The following CERS3 variants were observed in gnomAD, a reference collection of about 807,000 sequenced individuals.
The protein encoded by CERS3 is LAG1 homolog, ceramide synthase 3.
Under a neutral mutation model 50.3 loss-of-function variants are expected in CERS3, and 33 were observed. The observed-to-expected ratio is 0.66, with a 90% CI of 0.50 to 0.88. CERS3 has a LOEUF of 0.88. Ranked by LOEUF, CERS3 falls within the 40% of genes least tolerant of loss-of-function variation. The probability of loss-of-function intolerance (pLI) is 0.00; values close to 1 mark genes in which losing one functional copy is unlikely to be tolerated. For missense variants in CERS3, 470 were observed against 460.3 expected, an observed-to-expected ratio of 1.02 and a Z score of -0.19; for synonymous variants, 176 against 155.2, an observed-to-expected ratio of 1.13 and a Z score of -0.99.
intron 1 of CERS3, among the ~76,000 whole-genome samples, chr15:100,534,065 A>G (rs1356308985): frequency 6.6e-6 from 1 of 152,224 alleles, no homozygotes; most frequent in African/African-American, 2.4e-5. Context: ...TCACCATGTG[A>G]GCAGGCTCTC....
At chr15:100,444,951 T>A (rs11247202) in intron 11 of CERS3, among the ~76,000 whole-genome samples, 9 of 151,184 alleles carry the variant, frequency 6.0e-5, no homozygotes, top group African/African-American at 2.2e-4. Flanking sequence ...TTTTTTCAGG[T>A]TCTTAGTATT....
intron 9 of CERS3, among the ~76,000 whole-genome samples, chr15:100,472,316 A>G (rs1195707861): frequency 6.6e-6 from 1 of 152,178 alleles, no homozygotes; most frequent in African/African-American, 2.4e-5. Context: ...GAACAGAAAC[A>G]GGTCCGGAAA....
At chr15:100,540,507 G>A (rs2037175531) in intron 1 of CERS3, among the ~76,000 whole-genome samples, 2 of 152,198 alleles carry the variant, frequency 1.3e-5, no homozygotes, top group South Asian at 4.1e-4. Flanking sequence ...TCGTGCCATT[G>A]CACTCCAGCC....
At chr15:100,414,841 A>G (rs935342368) in intron 11 of CERS3, among the ~76,000 whole-genome samples, 2 of 143,424 alleles carry the variant, frequency 1.4e-5, no homozygotes, top group Non-Finnish European at 3.1e-5. Flanking sequence ...ACCCTGGAAG[A>G]AAACCTGGGC....
chr15:100,484,119 G>A (rs531573514), intron 5 of CERS3, among the ~76,000 whole-genome samples: 7 of 152,122 alleles, frequency 4.6e-5, no homozygotes, highest in Admixed American at 3.3e-4. Flanking sequence ...GGGAACACAC[G>A]TCCTTGCAGA....
chr15:100,452,156 A>G (rs1371365289), intron 11 of CERS3, among the ~76,000 whole-genome samples: 1 of 150,516 alleles, frequency 6.6e-6, no homozygotes, highest in African/African-American at 2.5e-5. Flanking sequence ...CATTTCATCC[A>G]ATGGCTATAG....
intron 8 of CERS3, among the ~76,000 whole-genome samples, chr15:100,475,406 G>A (rs1208683207): frequency 6.6e-6 from 1 of 152,164 alleles, no homozygotes; most frequent in Non-Finnish European, 1.5e-5. Context: ...TTTATTTACG[G>A]TGTAGTTTAT....
At chr15:100,519,915 A>G (rs139465973) in intron 2 of CERS3, among the ~76,000 whole-genome samples, 216 of 152,218 alleles carry the variant, frequency 1.4e-3, no homozygotes, top group African/African-American at 5.1e-3. Flanking sequence ...CCACCCTTAC[A>G]TCTGGCTTTA....
intron 3 of CERS3, among the ~76,000 whole-genome samples, chr15:100,499,728 G>C (rs2035940256): frequency 6.6e-6 from 1 of 152,202 alleles, no homozygotes; most frequent in African/African-American, 2.4e-5. Flanking sequence ...AAATAGTTCA[G>C]ACATTTTTAT....
intron 11 of CERS3, among the ~76,000 whole-genome samples, chr15:100,426,635 G>A (rs1371563282): frequency 6.6e-6 from 1 of 152,174 alleles, no homozygotes; most frequent in African/African-American, 2.4e-5. Context: ...AAGAGTGAAT[G>A]AATTAATCTA....
intron 11 of CERS3, among the ~76,000 whole-genome samples, chr15:100,454,193 C>T (rs914110091): frequency 6.6e-6 from 1 of 151,984 alleles, no homozygotes; most frequent in Admixed American, 6.6e-5. Flanking sequence ...GAGTTTGAGA[C>T]CATCCTGGAA....
chr15:100,519,488 A>T (rs908738550), intron 2 of CERS3, among the ~76,000 whole-genome samples: 2 of 152,136 alleles, frequency 1.3e-5, no homozygotes, highest in Admixed American at 1.3e-4. Flanking sequence ...TATACCAGCT[A>T]CTCCCTGGAA....
chr15:100,509,139 G>A (rs1223241163), intron 2 of CERS3, among the ~76,000 whole-genome samples: 2 of 152,052 alleles, frequency 1.3e-5, no homozygotes, highest in African/African-American at 4.8e-5. Flanking sequence ...GGGGGTTCAC[G>A]GTCATTCTTT....
intron 10 of CERS3, among the ~76,000 whole-genome samples, chr15:100,460,811 T>C (rs2034525475): frequency 6.6e-6 from 1 of 152,272 alleles, no homozygotes; most frequent in East Asian, 1.9e-4. Flanking sequence ...AATACCTTCT[T>C]TACACAGTCT....
At chr15:100,403,351 A>C in intron 11 of CERS3, among the ~76,000 whole-genome samples, 1 of 152,180 alleles carries the variant, frequency 6.6e-6, no homozygotes, top group East Asian at 1.9e-4. Flanking sequence ...TTAAGAATCT[A>C]GAAAAAAAGA....
intron 11 of CERS3, among the ~76,000 whole-genome samples, chr15:100,428,134 C>T (rs2032931841): frequency 1.3e-5 from 2 of 152,196 alleles, no homozygotes; most frequent in Admixed American, 6.5e-5. Flanking sequence ...ATCTCATTTT[C>T]TCCATCCATC....
chr15:100,402,790 C>G lies in CERS3; in HGVS notation c.1075G>C (p.Gly359Arg). Residue 359 changes from glycine (G) to arginine (R), a missense_variant, in exon 12 of 12, where the codon GGC (glycine) becomes CGC (arginine). Transcript: ENST00000679737. Reference sequence around the variant, plus strand: ...TTCTTTAAACAATCCATCTCTTTGCCTTTGGTAGCCTCTTCTTCTTCCTCT... The same window carrying G: ...TTCTTTAAACAATCCATCTCTTTGCGTTTGGTAGCCTCTTCTTCTTCCTCT... The part of the protein sequence containing the change: ...EEEEEEEATK[G>R]KEMDCLKNGL... 6.2e-7 allele frequency: 1 copy of G among 1,614,164 alleles called. No homozygotes were observed. Among genetic ancestry groups the G allele is most frequent in the Non-Finnish European group, 8.5e-7 (1 of 1,180,018 alleles).
At chr15:100,498,227 A>G (rs1186816465) in intron 3 of CERS3, among the ~76,000 whole-genome samples, 1 of 152,188 alleles carries the variant, frequency 6.6e-6, no homozygotes, top group East Asian at 1.9e-4. Flanking sequence ...CAGAGTATAG[A>G]TATAAATGTA....
intron 2 of CERS3, among the ~76,000 whole-genome samples, chr15:100,510,333 A>G (rs1046583330): frequency 1.3e-5 from 2 of 152,242 alleles, no homozygotes; most frequent in Admixed American, 1.3e-4. Context: ...AGGAGCAATT[A>G]ACTTACTACA....
Sources: gnomAD v4.1 joint callset for allele counts (sites outside exome capture counted in the v4.1 genomes callset) on GRCh38, gnomAD v4.1.1 for gene constraint, MANE v1.5 for transcripts, NCBI Gene and HGNC (gene_info 2026-07-23, HGNC 2026-07-21) for gene names.